The following EPB41L2 variants were observed in gnomAD, a reference collection of about 807,000 sequenced individuals.
EPB41L2 encodes band 4.1-like protein 2.
A neutral mutation model predicts 113.0 loss-of-function variants in EPB41L2; 43 were observed. The observed-to-expected ratio is 0.38, with a 90% confidence interval of 0.30 to 0.49. The LOEUF is 0.49. Ranked by LOEUF, EPB41L2 falls within the 20% of genes least tolerant of loss-of-function variation. The probability of loss-of-function intolerance (pLI) is 0.95; values close to 1 mark genes in which losing one functional copy is unlikely to be tolerated. For synonymous variants in EPB41L2, 442 were observed against 436.7 expected (o/e 1.01, Z -0.15); for missense variants, 1,147 against 1,223.4 (o/e 0.94, Z 0.93).
At chr6:130,999,437 A>G (rs1446666792) in intron 1 of EPB41L2, among the ~76,000 whole-genome samples, 1 of 152,222 alleles carries the variant, frequency 6.6e-6, no homozygotes, top group Non-Finnish European at 1.5e-5. Flanking sequence ...CAAGATAACC[A>G]TCTTAATGAT....
intron 3 of EPB41L2, among the ~76,000 whole-genome samples, chr6:130,949,729 A>G (rs1046009141): frequency 4.6e-5 from 7 of 152,168 alleles, no homozygotes; most frequent in Admixed American, 3.9e-4. Flanking sequence ...TCTGAACTGC[A>G]TGGATCCACT....
rs1787843749 is a variant in EPB41L2 at position 131,014,924 on chromosome 6, T to C, written c.-15+48231A>G. 2.0e-5 allele frequency among the ~76,000 whole-genome samples: 3 copies of C among 152,174 alleles called. No homozygotes were observed. In the South Asian group the frequency reaches 6.2e-4, roughly 32 times the overall value. On this transcript the variant is annotated intron_variant, in intron 1 of 19. Transcript: ENST00000337057. ...AAATCCGGAAAGCAAACCAAGGAAT[T>C]CAAAATAGAAATTCAAAGGAAAATG...
chr6:130,918,670 G>A (rs930277548), intron 4 of EPB41L2, among the ~76,000 whole-genome samples: 8 of 152,096 alleles, frequency 5.3e-5, no homozygotes, highest in Admixed American at 2.0e-4. Flanking sequence ...ATATAGTACT[G>A]TATTAAAACC....
chr6:130,926,971 C>T (rs539403273), intron 3 of EPB41L2, among the ~76,000 whole-genome samples: 1 of 152,060 alleles, frequency 6.6e-6, no homozygotes, highest in African/African-American at 2.4e-5. Context: ...ATAAAAAGGA[C>T]GAAAAAGGCG....
chr6:130,954,304 T>C (rs916390092), intron 3 of EPB41L2, among the ~76,000 whole-genome samples: 6 of 151,996 alleles, frequency 3.9e-5, no homozygotes, highest in South Asian at 4.1e-4. Flanking sequence ...CCGCCCGCCT[T>C]GGCCTCCCAA....
chr6:130,944,654 A>G (rs3777463), intron 3 of EPB41L2, among the ~76,000 whole-genome samples: 11,009 of 152,256 alleles, frequency 0.072, 626 homozygotes, highest in African/African-American at 0.14. Context: ...TGTGATGGGG[A>G]AAGCAAAATG....
chr6:131,048,602 G>GTTTGCTT (rs1366367857), intron 1 of EPB41L2, among the ~76,000 whole-genome samples: 1 of 152,278 alleles, frequency 6.6e-6, no homozygotes, highest in East Asian at 1.9e-4. Context: ...GATGTCTGGA[G>GTTTGCTT]TTTGCTTCAA....
chr6:130,899,671 GGAGA>G, intron 7 of EPB41L2, 93 bp from the exon 8 acceptor site: 2 of 1,212,756 alleles, frequency 1.6e-6, no homozygotes, highest in Non-Finnish European at 2.4e-6. Flanking sequence ...AGGGTTTGGA[GGAGA>G]GAAAGTTACC....
chr6:131,007,445 T>TAATAC (rs1785858575), intron 1 of EPB41L2, among the ~76,000 whole-genome samples: 1 of 152,152 alleles, frequency 6.6e-6, no homozygotes, highest in Admixed American at 6.5e-5. Context: ...GCAAATGAAC[T>TAATAC]AATACAGTAA....
chr6:130,900,326 A>G (rs893311243), intron 7 of EPB41L2, among the ~76,000 whole-genome samples: 1 of 152,226 alleles, frequency 6.6e-6, no homozygotes, highest in African/African-American at 2.4e-5. Flanking sequence ...ATTTAATAAA[A>G]CTGTAATTTT....
chr6:130,855,160 CCAACATGGCGAAACCCTG>C (rs1779835581), intron 19 of EPB41L2, among the ~76,000 whole-genome samples: 2 of 41,644 alleles, frequency 4.8e-5, no homozygotes, highest in Non-Finnish European at 1.1e-4. Context: ...ACCAGCCTGG[CCAACATGGCGAAACCCTG>C]TCTCTACTAA....
At chr6:131,038,817 T>G (rs566006187) in intron 1 of EPB41L2, among the ~76,000 whole-genome samples, 1 of 152,304 alleles carries the variant, frequency 6.6e-6, no homozygotes, top group African/African-American at 2.4e-5. Context: ...CAATTCGTAT[T>G]TAATGCCTAA....
At position 130,871,881 on chromosome 6, in the gene EPB41L2, T is replaced by A. The variant is rs550701353; in HGVS notation, c.2044-1755A>T. On this transcript the variant is annotated intron_variant, in intron 14 of 19. Coordinates refer to ENST00000337057, the MANE Select transcript of EPB41L2 (RefSeq NM_001431.4). ...TAGATCAGTGAATTATTATTATTGT[T>A]ATATCTTAACCTCAATTAGCTGGAT... Among the ~76,000 whole-genome samples the A allele has an allele frequency of 2.4e-4, 37 of 152,326 alleles. 1 individual carries two copies. The South Asian group carries it at 7.7e-3, about 32-fold the overall frequency.
chr6:131,005,585 C>G (rs1196400035), intron 1 of EPB41L2, among the ~76,000 whole-genome samples: 1 of 152,208 alleles, frequency 6.6e-6, no homozygotes, highest in Non-Finnish European at 1.5e-5. Context: ...GTAAACATTT[C>G]TTAGTTATTA....
intron 1 of EPB41L2, among the ~76,000 whole-genome samples, chr6:131,009,503 G>A (rs768156096): frequency 1.3e-4 from 19 of 151,874 alleles, no homozygotes; most frequent in Non-Finnish European, 1.5e-4. Flanking sequence ...AACTTATTTC[G>A]TACCTGTACA....
chr6:130,980,045 A>T (rs1157961116), intron 1 of EPB41L2, among the ~76,000 whole-genome samples: 1 of 152,220 alleles, frequency 6.6e-6, no homozygotes, highest in Non-Finnish European at 1.5e-5. Flanking sequence ...ACTGACGAGA[A>T]AGAAGAGTCT....
At chr6:130,962,988 T>A (rs928326495) in intron 1 of EPB41L2, among the ~76,000 whole-genome samples, 1 of 152,134 alleles carries the variant, frequency 6.6e-6, no homozygotes, top group African/African-American at 2.4e-5. Flanking sequence ...TCTCTGAACA[T>A]TGTATACATA....
At chr6:131,052,714 G>A (rs1204962753) in intron 1 of EPB41L2, among the ~76,000 whole-genome samples, 2 of 152,090 alleles carry the variant, frequency 1.3e-5, no homozygotes, top group Non-Finnish European at 2.9e-5. Context: ...AGTTAGTAAG[G>A]AAGCTAACTA....
chr6:130,909,825 T>C (rs1348220327), intron 4 of EPB41L2, among the ~76,000 whole-genome samples: 3 of 152,142 alleles, frequency 2.0e-5, no homozygotes, highest in Non-Finnish European at 4.4e-5. Flanking sequence ...TTACAAGGAA[T>C]GTGAAGGACC....
Sources: allele counts gnomAD v4.1 joint callset (sites outside exome capture counted in the v4.1 genomes callset), GRCh38; gene constraint gnomAD v4.1.1; transcripts MANE v1.5; gene names NCBI Gene and HGNC (gene_info 2026-07-23, HGNC 2026-07-21).